Variants in SYNPO observed in about 807,000 individuals in gnomAD.
SYNPO encodes the protein synaptopodin.
Under a neutral mutation model 49.5 loss-of-function variants are expected in SYNPO, and 19 were observed. The ratio of observed to expected loss-of-function variants is 0.38; its 90% confidence interval spans 0.27 to 0.56. The LOEUF is 0.56. Ranked by LOEUF, SYNPO falls within the 20% of genes least tolerant of loss-of-function variation. The pLI, the probability that SYNPO is intolerant of heterozygous loss-of-function variation, is 0.68. For synonymous variants in SYNPO, 536 were observed against 548.0 expected (o/e 0.98, Z 0.31); for missense variants, 1,131 against 1,248.3 (o/e 0.91, Z 1.42).
chr5:150,615,292 G>C (rs1756953968), intron 1 of SYNPO: 1 of 152,226 alleles, frequency 6.6e-6, no homozygotes, highest in Non-Finnish European at 1.5e-5. Context: ...AAAAATATTT[G>C]TGTGGGTGGC....
intron 2 of SYNPO, among the ~76,000 whole-genome samples, chr5:150,631,063 G>A (rs930139249): frequency 3.3e-5 from 5 of 152,180 alleles, no homozygotes; most frequent in African/African-American, 1.2e-4. Flanking sequence ...TACAACTCCG[G>A]GTGAGTGAGG....
At chr5:150,606,430 T>C (rs1465552607) in intron 1 of SYNPO, among the ~76,000 whole-genome samples, 1 of 152,208 alleles carries the variant, frequency 6.6e-6, no homozygotes, top group Non-Finnish European at 1.5e-5. Context: ...ACTGTGATTA[T>C]TCTTGATTTG....
intron 1 of SYNPO, among the ~76,000 whole-genome samples, chr5:150,609,330 T>C (rs1310422656): frequency 2.0e-5 from 3 of 152,196 alleles, no homozygotes; most frequent in African/African-American, 7.2e-5. Flanking sequence ...GTTTCACTCT[T>C]GTCGCCCAGG....
At chr5:150,611,687 G>A (rs1190024591) in intron 1 of SYNPO, among the ~76,000 whole-genome samples, 4 of 152,214 alleles carry the variant, frequency 2.6e-5, no homozygotes, top group Non-Finnish European at 4.4e-5. Flanking sequence ...ACTGATGGCC[G>A]CTGAGGAAGG....
At chr5:150,623,395 C>T (rs1357231754) in intron 2 of SYNPO, among the ~76,000 whole-genome samples, 2 of 152,128 alleles carry the variant, frequency 1.3e-5, no homozygotes, top group East Asian at 1.9e-4. Flanking sequence ...CTCTCTTTTC[C>T]TCTCACCCAC....
At chr5:150,622,463 C>G (rs1163728484) in intron 2 of SYNPO, among the ~76,000 whole-genome samples, 1 of 152,210 alleles carries the variant, frequency 6.6e-6, no homozygotes, top group Non-Finnish European at 1.5e-5. Context: ...TGGGGGAAAC[C>G]TGGGTACTCA....
At chr5:150,643,611 C>T (rs1403645453) in intron 1 of SYNPO, among the ~76,000 whole-genome samples, 4 of 152,086 alleles carry the variant, frequency 2.6e-5, no homozygotes, top group South Asian at 2.1e-4. Flanking sequence ...CTCGGCTCAC[C>T]GCAACCTCTG....
In SYNPO at chr5:150,656,534, C is replaced by A. The variant is rs1339095461; in HGVS notation, c.2159C>A (p.Pro720Gln). ...CGCGGGAGCAGCATGAGCAGCCCCC[C>A]GCCGCTGCCGCCGCCACCGCCCATG... ...PGRGSSMSSPPPLPPPPPMSP... is the reference protein window; with the variant it reads ...PGRGSSMSSPQPLPPPPPMSP... The change falls in exon 3 of 3, where the codon CCG (proline) becomes CAG (glutamine). Residue 720 changes from proline (P) to glutamine (Q), a missense_variant. Around this residue, in one of 4 missense-constraint regions of SYNPO, gnomAD observed 509 missense variants for 484.5 expected, o/e 1.05. Transcript: ENST00000307662. 6.5e-7 allele frequency: 1 copy of A among 1,528,482 alleles called. No individual in the cohort carries two copies. The highest frequency in any genetic ancestry group is 8.7e-7 in the Non-Finnish European group (1 of 1,144,012). 94.7% of individuals were successfully genotyped at this position (1,528,482 alleles called of 1,614,324 possible).
At chr5:150,653,214 G>C (rs942776489) in intron 2 of SYNPO, 1 of 152,266 alleles carries the variant, frequency 6.6e-6, no homozygotes, top group Non-Finnish European at 1.5e-5. Flanking sequence ...GCACACCCCC[G>C]ACTCAAAAAC....
chr5:150,656,848 C>T lies in SYNPO; in HGVS notation c.2473C>T (p.Arg825Trp). The T allele has an allele frequency of 1.3e-6, 2 of 1,555,360 alleles. No individual in the cohort carries two copies. Among genetic ancestry groups the T allele is most frequent in the Non-Finnish European group, 1.7e-6 (2 of 1,153,268 alleles). The stretch of plus-strand genomic sequence containing the variant: ...GGGGGCAGCCTTCGCGCCCATCCCG[C>T]GGAGCCCGTTGCCCGCCGGTCCTTC... The part of the protein sequence containing the change: ...VPGAAFAPIP[R>W]SPLPAGPSSC... Residue 825 changes from arginine to tryptophan, a missense_variant, in exon 3 of 3, where the codon CGG becomes TGG. By Grantham distance (101) the Arg-to-Trp change is moderately radical. This residue lies in a region of SYNPO where 509 missense variants were observed against 484.5 expected (regional missense o/e 1.05). Coordinates refer to ENST00000307662, the MANE Select transcript of SYNPO (RefSeq NM_007286.6).
At chr5:150,596,697 C>G (rs545918057), upstream of SYNPO, among the ~76,000 whole-genome samples, 2 of 152,112 alleles carry the variant, frequency 1.3e-5, no homozygotes, top group Admixed American at 6.5e-5. Flanking sequence ...GCCCAGGGTA[C>G]CTTCTTGAGG....
chr5:150,641,622 G>A (rs1757912541), intron 1 of SYNPO, among the ~76,000 whole-genome samples: 1 of 152,218 alleles, frequency 6.6e-6, no homozygotes, highest in Admixed American at 6.5e-5. Context: ...CACAGTGGGT[G>A]GTAGGGGTGG....
intron 2 of SYNPO, among the ~76,000 whole-genome samples, chr5:150,626,690 G>T (rs545381176): frequency 6.6e-6 from 1 of 152,220 alleles, no homozygotes; most frequent in Admixed American, 6.5e-5. Flanking sequence ...ATTCAGGCGC[G>T]TGGTTCCTGG....
chr5:150,640,225 C>T (rs1757850755), upstream of SYNPO: 1 of 959,050 alleles, frequency 1.0e-6, no homozygotes, highest in African/African-American at 1.8e-5. Context: ...TTGGTGAAGG[C>T]TTTTTGGAGG....
chr5:150,654,755 C>T (rs541698332), intron 2 of SYNPO, among the ~76,000 whole-genome samples: 1 of 152,286 alleles, frequency 6.6e-6, no homozygotes, highest in African/African-American at 2.4e-5. Context: ...TTCAGGCATC[C>T]AAGGAAAGAT....
chr5:150,591,049 G>A, the SYNPO span, among the ~76,000 whole-genome samples: 22 of 152,134 alleles, frequency 1.4e-4, no homozygotes, highest in Admixed American at 1.0e-3. Flanking sequence ...AACAGATGAG[G>A]CAAAGGTGCC....
intron 1 of SYNPO, among the ~76,000 whole-genome samples, chr5:150,602,219 G>C (rs1445566501): frequency 6.6e-6 from 1 of 152,180 alleles, no homozygotes. Context: ...AGCCTTACTG[G>C]GCGCCAGGCT....
chr5:150,653,899 T>C (rs983198386), intron 2 of SYNPO: 2 of 152,156 alleles, frequency 1.3e-5, no homozygotes, highest in African/African-American at 4.8e-5. Flanking sequence ...CCATGAAAAA[T>C]GTCCTGCTCA....
In SYNPO at chr5:150,620,663, G is replaced by A. The variant is rs771157302; in HGVS notation, c.400+1896G>A. Among the ~76,000 whole-genome samples, 3 of 152,220 alleles carry A rather than the reference G, an allele frequency of 2.0e-5. No homozygotes were observed. The East Asian group carries it at 5.8e-4, about 29-fold the overall frequency. ...GACAGAAGAAGGCACTACCTTTAATGAACTCTGTTGGCAAGTCACACCAAG... is the reference window on the plus strand; with the variant it reads ...GACAGAAGAAGGCACTACCTTTAATAAACTCTGTTGGCAAGTCACACCAAG... On this transcript the variant is annotated intron_variant, in intron 2 of 2. Coordinates refer to the SYNPO transcript ENST00000394243.
Sources: gnomAD v4.1 joint callset for allele counts (sites outside exome capture counted in the v4.1 genomes callset) on GRCh38, gnomAD v4.1.1 for gene constraint, gnomAD v4.1.1 regional missense constraint, MANE v1.5 for transcripts, NCBI Gene and HGNC (gene_info 2026-07-23, HGNC 2026-07-21) for gene names.